The following PBX1 variants were observed in gnomAD, a reference collection of about 807,000 sequenced individuals.
PBX1 encodes pre-B-cell leukemia transcription factor 1.
In PBX1, 6 loss-of-function variants were observed where a neutral mutation model predicts 53.4. The observed-to-expected ratio is 0.11, with a 90% CI of 0.06 to 0.22. The LOEUF is 0.22. PBX1 is among the 10% of genes least tolerant of loss of function. The probability of loss-of-function intolerance (pLI) is 1.00; values close to 1 mark genes in which losing one functional copy is unlikely to be tolerated. For missense variants in PBX1, 251 were observed against 551.4 expected, an observed-to-expected ratio of 0.46 and a Z score of 5.46; for synonymous variants, 204 against 212.3, an observed-to-expected ratio of 0.96 and a Z score of 0.34.
At position 164,778,234 on chromosome 1, in the gene PBX1, C is replaced by A. The variant is rs1667762592; in HGVS notation, c.266-14260C>A. Reference sequence around the variant, plus strand: ...AACTGGGTAACTTTTGTTTCACTTCCATATCTCCTGTCCCAAAAAGTGAAG... The same window carrying A: ...AACTGGGTAACTTTTGTTTCACTTCAATATCTCCTGTCCCAAAAAGTGAAG... On this transcript the variant is annotated intron_variant, in intron 2 of 8. Coordinates refer to ENST00000420696, the MANE Select transcript of PBX1 (RefSeq NM_002585.4). 2.0e-5 allele frequency among the ~76,000 whole-genome samples: 3 copies of A among 152,106 alleles called. No individual in the cohort carries two copies. In the South Asian group the frequency reaches 6.2e-4, roughly 32 times the overall value.
chr1:164,820,259 C>A (rs1670088817), intron 7 of PBX1, 75 bp downstream of exon 7: 1 of 850,986 alleles, frequency 1.2e-6, no homozygotes, highest in African/African-American at 1.7e-5. Context: ...GGACTTCCTG[C>A]TTCTGTCCAG....
intron 2 of PBX1, among the ~76,000 whole-genome samples, chr1:164,763,512 G>T (rs1241378885): frequency 3.3e-5 from 5 of 152,216 alleles, no homozygotes; most frequent in African/African-American, 4.8e-5. Flanking sequence ...GGGTAAAAAT[G>T]TTCCAGCTCT....
At chr1:164,601,425 G>GT (rs1656167682) in intron 2 of PBX1, among the ~76,000 whole-genome samples, 1 of 152,058 alleles carries the variant, frequency 6.6e-6, no homozygotes, top group South Asian at 2.1e-4. Flanking sequence ...CTTTAGAAGG[G>GT]TTTTCCCAGG....
rs147799897 is a variant in PBX1 at position 164,626,001 on chromosome 1, G to A, written c.265+62690G>A. ...GTGACTAGGATACAAAGTTCTGTTC[G>A]GCACAGAGTACTCTCCTCTGCTTCT... On this transcript the variant is annotated intron_variant, in intron 2 of 8. Coordinates refer to ENST00000420696, the MANE Select transcript of PBX1 (RefSeq NM_002585.4). The A allele has an allele frequency of 1.2e-5, 13 of 1,040,682 alleles. 1 individual carries two copies. The highest frequency in any genetic ancestry group is 4.4e-4 in the Middle Eastern group (1 of 2,256). 64.5% of individuals were successfully genotyped at this position (1,040,682 alleles called of 1,614,324 possible).
chr1:164,846,802 G>A lies in PBX1; in HGVS notation c.*126G>A, dbSNP rs755254056. 65 of 1,548,324 alleles carry A rather than the reference G, an allele frequency of 4.2e-5. No individual in the cohort carries two copies. The highest frequency in any genetic ancestry group is 5.4e-5 in the Non-Finnish European group (62 of 1,147,868). The stretch of plus-strand genomic sequence containing the variant: ...GAAGCAATCAGCAAACACAATAAGA[G>A]TCTCCTTCTCTTCTCTTCTTTGGGA... On this transcript the variant is annotated 3_prime_UTR_variant, in exon 9 of 9. Transcript: ENST00000420696.
intron 2 of PBX1, among the ~76,000 whole-genome samples, chr1:164,644,171 G>A (rs1186645177): frequency 6.6e-6 from 1 of 152,086 alleles, no homozygotes; most frequent in Admixed American, 6.5e-5. Flanking sequence ...CTGCTTTCTG[G>A]TTTTCATTTC....
At chr1:164,642,897 G>T (rs74117957) in intron 2 of PBX1, 5 of 152,038 alleles carry the variant, frequency 3.3e-5, no homozygotes, top group Admixed American at 3.3e-4. Context: ...AGAAGCTGGC[G>T]TCTGCTGTGA....
chr1:164,789,492 T>C (rs910882887), intron 2 of PBX1, among the ~76,000 whole-genome samples: 4 of 152,188 alleles, frequency 2.6e-5, no homozygotes, highest in Non-Finnish European at 4.4e-5. Context: ...CATACCTCAC[T>C]GAGTTTGGCT....
At chr1:164,787,438 T>C (rs1668259508) in intron 2 of PBX1, among the ~76,000 whole-genome samples, 1 of 151,984 alleles carries the variant, frequency 6.6e-6, no homozygotes, top group Admixed American at 6.6e-5. Flanking sequence ...AGCATGAACC[T>C]GGACACTTGA....
At chr1:164,605,482 C>T (rs35409227) in intron 2 of PBX1, 9,824 of 152,090 alleles carry the variant, frequency 0.065, 843 homozygotes, top group East Asian at 0.4. Context: ...AAGAACAGGG[C>T]CCTTTTTAGT....
intron 4 of PBX1, among the ~76,000 whole-genome samples, chr1:164,801,896 G>C (rs977934734): frequency 3.3e-5 from 5 of 152,220 alleles, no homozygotes; most frequent in East Asian, 3.9e-4. Flanking sequence ...ACAAATGTCT[G>C]CCAGACATCC....
intron 2 of PBX1, chr1:164,564,165 A>ATG (rs374142377): frequency 2.0e-5 from 3 of 152,278 alleles, no homozygotes; most frequent in African/African-American, 7.2e-5. Flanking sequence ...GGGAATAAAG[A>ATG]TGAGGGACAA....
chr1:164,667,835 GACA>G (rs1315716882), intron 2 of PBX1, among the ~76,000 whole-genome samples: 1 of 152,160 alleles, frequency 6.6e-6, no homozygotes. Flanking sequence ...GAGGTCTCAG[GACA>G]ACAAGGCTCG....
chr1:164,596,514 A>AT (rs1190635373), intron 2 of PBX1, among the ~76,000 whole-genome samples: 3 of 152,266 alleles, frequency 2.0e-5, no homozygotes, highest in Non-Finnish European at 2.9e-5. Flanking sequence ...CTGGTTTGTC[A>AT]TAATGCAAGT....
intron 2 of PBX1, among the ~76,000 whole-genome samples, chr1:164,698,313 C>T (rs1662908229): frequency 1.3e-5 from 2 of 152,070 alleles, no homozygotes; most frequent in Admixed American, 1.3e-4. Context: ...TAATAATGGT[C>T]TTACTGGTAT....
At chr1:164,687,578 AAAAAAG>A (rs1662186247) in intron 2 of PBX1, among the ~76,000 whole-genome samples, 1 of 151,686 alleles carries the variant, frequency 6.6e-6, no homozygotes, top group Non-Finnish European at 1.5e-5. Flanking sequence ...AAAAAAAAAA[AAAAAAG>A]GAAATAGTTT....
intron 2 of PBX1, among the ~76,000 whole-genome samples, chr1:164,857,636 G>A (rs1296729910): frequency 3.3e-5 from 5 of 152,162 alleles, no homozygotes; most frequent in Non-Finnish European, 5.9e-5. Flanking sequence ...CCTGCCAAGA[G>A]TCACCTCATT....
At chr1:164,755,797 T>C (rs1197363695) in intron 2 of PBX1, among the ~76,000 whole-genome samples, 1 of 151,944 alleles carries the variant, frequency 6.6e-6, no homozygotes, top group Non-Finnish European at 1.5e-5. Flanking sequence ...ATCATGGGAC[T>C]ATTAGCTTGA....
intron 2 of PBX1, among the ~76,000 whole-genome samples, chr1:164,654,375 A>G (rs1660021582): frequency 6.6e-6 from 1 of 152,212 alleles, no homozygotes; most frequent in Non-Finnish European, 1.5e-5. Flanking sequence ...AGGTGACATC[A>G]TGGCAAAACA....
Sources: gnomAD v4.1 joint callset for allele counts (sites outside exome capture counted in the v4.1 genomes callset) on GRCh38, gnomAD v4.1.1 for gene constraint, MANE v1.5 for transcripts, NCBI Gene and HGNC (gene_info 2026-07-23, HGNC 2026-07-21) for gene names.